The following ZFPM2 variants were observed in gnomAD, a reference collection of about 807,000 sequenced individuals.
ZFPM2 encodes zinc finger protein, FOG family member 2, also known as zinc finger protein ZFPM2.
A neutral mutation model predicts 98.6 loss-of-function variants in ZFPM2; 20 were observed. That is an observed-to-expected ratio of 0.20 (90% CI 0.14 to 0.29). The LOEUF is 0.29. Among genes scored for constraint, ZFPM2 ranks in the 10% least tolerant of loss-of-function variants. ZFPM2 has a pLI of 1.00. For missense variants in ZFPM2, 1,310 were observed against 1,388.6 expected (o/e 0.94, Z 0.90); for synonymous variants, 518 against 502.7 (o/e 1.03, Z -0.41).
In ZFPM2 at chr8:105,500,170, A is replaced by G. The variant is rs113045843; in HGVS notation, c.301+55789A>G. ...ATACTGTGTGTTTATAATTGTGATA[A>G]TTTAATGATTTCTCCTTTTATCATC... On this transcript the variant is annotated intron_variant, in intron 3 of 7. Coordinates refer to ENST00000407775, the MANE Select transcript of ZFPM2 (RefSeq NM_012082.4). 4.1e-3 allele frequency among the ~76,000 whole-genome samples: 620 copies of G among 152,294 alleles called. 4 individuals are homozygous for G. Among genetic ancestry groups the G allele is most frequent in the African/African-American group, 0.014 (583 of 41,574 alleles).
At chr8:105,582,034 C>T (rs182076998) in intron 4 of ZFPM2, among the ~76,000 whole-genome samples, 3 of 152,272 alleles carry the variant, frequency 2.0e-5, no homozygotes, top group Non-Finnish European at 4.4e-5. Flanking sequence ...GAAAATGTGC[C>T]TGTTTCTGTT....
intron 1 of ZFPM2, among the ~76,000 whole-genome samples, chr8:105,388,093 A>T (rs1198041138): frequency 6.6e-6 from 1 of 152,230 alleles, no homozygotes; most frequent in African/African-American, 2.4e-5. Flanking sequence ...CTGATAAAAG[A>T]TATGATATGT....
At chr8:105,554,579 GATAA>G (rs1814941394) in intron 3 of ZFPM2, among the ~76,000 whole-genome samples, 2 of 152,158 alleles carry the variant, frequency 1.3e-5, no homozygotes, top group African/African-American at 4.8e-5. Context: ...ACTATGGCCT[GATAA>G]ATATTGTGAG....
intron 5 of ZFPM2, among the ~76,000 whole-genome samples, chr8:105,747,552 A>G (rs1392055366): frequency 7.2e-5 from 11 of 152,036 alleles, no homozygotes; most frequent in Non-Finnish European, 1.5e-5. Context: ...AGGAAAACAC[A>G]CTAGCTGATA....
At chr8:105,373,795 C>T (rs142791075) in intron 1 of ZFPM2, among the ~76,000 whole-genome samples, 4 of 152,126 alleles carry the variant, frequency 2.6e-5, no homozygotes, top group Admixed American at 6.5e-5. Flanking sequence ...TAAAGGAAAA[C>T]GCTGTCCCTC....
At chr8:105,359,585 A>T (rs1056592896) in intron 1 of ZFPM2, among the ~76,000 whole-genome samples, 2 of 151,980 alleles carry the variant, frequency 1.3e-5, no homozygotes, top group African/African-American at 4.8e-5. Context: ...CGTGTTAGCC[A>T]GGATGGTCTT....
chr8:105,567,765 T>C (rs1409206634), intron 4 of ZFPM2, among the ~76,000 whole-genome samples: 1 of 152,158 alleles, frequency 6.6e-6, no homozygotes, highest in Non-Finnish European at 1.5e-5. Context: ...TAATCGGTAT[T>C]CAATAACTGC....
chr8:105,547,465 C>G (rs1814733578), intron 3 of ZFPM2, among the ~76,000 whole-genome samples: 1 of 144,300 alleles, frequency 6.9e-6, no homozygotes, highest in Non-Finnish European at 1.5e-5. Context: ...TTGCTTGAAC[C>G]CGGGAGGCGG....
At chr8:105,493,827 C>T (rs1273062823) in intron 3 of ZFPM2, among the ~76,000 whole-genome samples, 1 of 152,016 alleles carries the variant, frequency 6.6e-6, no homozygotes, top group Non-Finnish European at 1.5e-5. Context: ...AAAGTATCCT[C>T]CTATTTTTTC....
At chr8:105,453,265 T>C (rs1430333012) in intron 3 of ZFPM2, among the ~76,000 whole-genome samples, 4 of 152,204 alleles carry the variant, frequency 2.6e-5, no homozygotes, top group Non-Finnish European at 4.4e-5. Flanking sequence ...TCAGAGAGTG[T>C]ATGTTCTACC....
At chr8:105,567,443 A>G (rs1432803612) in intron 4 of ZFPM2, among the ~76,000 whole-genome samples, 1 of 151,474 alleles carries the variant, frequency 6.6e-6, no homozygotes, top group Non-Finnish European at 1.5e-5. Flanking sequence ...GATGTGTTCT[A>G]TATTGTCTGT....
intron 1 of ZFPM2, among the ~76,000 whole-genome samples, chr8:105,413,152 A>G (rs1399794733): frequency 1.3e-5 from 2 of 151,828 alleles, no homozygotes; most frequent in South Asian, 2.1e-4. Flanking sequence ...AGAGCTTTAT[A>G]TTTTGTATTT....
chr8:105,432,461 G>T lies in ZFPM2; in HGVS notation c.200-11819G>T, dbSNP rs542493475. 2.0e-5 allele frequency among the ~76,000 whole-genome samples: 3 copies of T among 152,198 alleles called. No homozygotes were observed. In the South Asian group the frequency reaches 6.2e-4, roughly 32 times the overall value. On this transcript the variant is annotated intron_variant, in intron 2 of 7. Transcript: ENST00000407775. The stretch of plus-strand genomic sequence containing the variant: ...CATTTTGAATGTGTAGCTTAAATAA[G>T]GTCCTATTTAACAATACAATGGAAT...
chr8:105,688,084 C>A (rs1204752449), intron 5 of ZFPM2, among the ~76,000 whole-genome samples: 1 of 151,766 alleles, frequency 6.6e-6, no homozygotes, highest in Non-Finnish European at 1.5e-5. Flanking sequence ...CAGATGAAAT[C>A]AATAAGGTTT....
At chr8:105,432,558 A>C (rs529952369) in intron 2 of ZFPM2, among the ~76,000 whole-genome samples, 35 of 152,170 alleles carry the variant, frequency 2.3e-4, no homozygotes, top group Non-Finnish European at 5.0e-4. Context: ...CAGAAGGGAA[A>C]GTGGTTTCTT....
In ZFPM2 at chr8:105,614,507, G is replaced by T. The variant is rs965456129; in HGVS notation, c.421-19739G>T. ...CTTTTTCTTTGTTTACTAATTTTAAGATCATTATGCATACTCTAATGCATA... is the reference window on the plus strand; with the variant it reads ...CTTTTTCTTTGTTTACTAATTTTAATATCATTATGCATACTCTAATGCATA... On this transcript the variant is annotated intron_variant, in intron 4 of 7. Coordinates refer to ENST00000407775, the MANE Select transcript of ZFPM2 (RefSeq NM_012082.4). 2.8e-4 allele frequency among the ~76,000 whole-genome samples: 43 copies of T among 152,174 alleles called. 2 individuals are homozygous for T. The highest frequency in any genetic ancestry group is 1.6e-3 in the Admixed American group (25 of 15,274).
intron 5 of ZFPM2, among the ~76,000 whole-genome samples, chr8:105,658,404 C>T (rs543186679): frequency 9.8e-6 from 1 of 101,914 alleles, no homozygotes; most frequent in South Asian, 2.9e-4. Flanking sequence ...CTGGCTAACA[C>T]GGTGAAACCC....
At chr8:105,442,739 GTTC>G (rs1563660769) in intron 2 of ZFPM2, among the ~76,000 whole-genome samples, 4 of 152,002 alleles carry the variant, frequency 2.6e-5, no homozygotes, top group African/African-American at 9.7e-5. Context: ...CAGATTTTAA[GTTC>G]ATTTTATGAA....
chr8:105,600,361 A>G (rs2130782489), intron 4 of ZFPM2, among the ~76,000 whole-genome samples: 1 of 152,276 alleles, frequency 6.6e-6, no homozygotes, highest in South Asian at 2.1e-4. Flanking sequence ...CAAGTTTATA[A>G]ACCAAGAGAA....
Sources: allele counts gnomAD v4.1 joint callset (sites outside exome capture counted in the v4.1 genomes callset), GRCh38; gene constraint gnomAD v4.1.1; transcripts MANE v1.5; gene names NCBI Gene and HGNC (gene_info 2026-07-23, HGNC 2026-07-21).